RNF152: variants seen among roughly 807,000 people sequenced by gnomAD.
RNF152 encodes the protein E3 ubiquitin-protein ligase RNF152.
In RNF152, 11 loss-of-function variants were observed where a neutral mutation model predicts 12.7. That is an observed-to-expected ratio of 0.86 (90% CI 0.54 to 1.43). The LOEUF (loss-of-function observed/expected upper bound fraction) is 1.43. Ranked by LOEUF, RNF152 falls within the 40% of genes most tolerant of loss-of-function variation. RNF152 has a pLI of 0.00. For missense variants in RNF152, 255 were observed against 274.8 expected (o/e 0.93, Z 0.51); for synonymous variants, 113 against 120.3 (o/e 0.94, Z 0.40).
chr18:61,859,512 A>C (rs570896660), intron 1 of RNF152, among the ~76,000 whole-genome samples: 1 of 152,310 alleles, frequency 6.6e-6, no homozygotes, highest in Middle Eastern at 3.4e-3. Flanking sequence ...AGCTGCAGAG[A>C]AAAGGAGCAT....
rs34170984 is a variant in RNF152 at position 61,887,701 on chromosome 18, C to CAA, written c.-136+5092_-136+5093dup. Among the ~76,000 whole-genome samples the CAA allele has an allele frequency of 3.0e-4, 32 of 105,918 alleles. No homozygotes were observed. The East Asian group carries it at 5.3e-3, about 17-fold the overall frequency. The allele number at this position is 105,918 out of a possible 152,430, so 69.5% of individuals were successfully genotyped here. A position where few individuals can be genotyped will look rare whatever the true frequency, so the allele number is the denominator to read the frequency against. ...TGGGTGACAGAGTGAGACTCCATCTCAAAAAAAAAAAAAAAAAAAAGAATG... is the reference window on the plus strand; with the variant it reads ...TGGGTGACAGAGTGAGACTCCATCTCAAAAAAAAAAAAAAAAAAAAAAGAATG... On this transcript the variant is annotated intron_variant, in intron 1 of 1. Transcript: ENST00000312828.
intron 1 of RNF152, among the ~76,000 whole-genome samples, chr18:61,859,041 G>A (rs1396343535): frequency 6.6e-6 from 1 of 152,072 alleles, no homozygotes; most frequent in Non-Finnish European, 1.5e-5. Context: ...TAACCCACAT[G>A]GGCCCATCTG....
At chr18:61,842,824 A>C (rs1227715759) in intron 1 of RNF152, among the ~76,000 whole-genome samples, 1 of 152,210 alleles carries the variant, frequency 6.6e-6, no homozygotes, top group Non-Finnish European at 1.5e-5. Context: ...TAAAACCATC[A>C]GATCTCAGGA....
intron 1 of RNF152, among the ~76,000 whole-genome samples, chr18:61,892,053 T>C (rs1361877193): frequency 6.6e-6 from 1 of 152,228 alleles, no homozygotes; most frequent in African/African-American, 2.4e-5. Flanking sequence ...CTTATCAAGA[T>C]AACCCCAGAT....
Position 61,819,714 on chromosome 18 carries a change from G to A in RNF152, c.-135-3116C>T, listed in dbSNP as rs1489982736. 2.0e-5 allele frequency among the ~76,000 whole-genome samples: 3 copies of A among 152,070 alleles called. No homozygotes were observed. In the East Asian group the frequency reaches 5.8e-4, roughly 29 times the overall value. On this transcript the variant is annotated intron_variant, in intron 1 of 1. Transcript: ENST00000312828. ...TGGGGAAGGTATTTAAGTTATTTAG[G>A]AAGATATTAAAGAGTCAAAGAGAAG...
chr18:61,824,486 T>C (rs1476040735), intron 1 of RNF152, among the ~76,000 whole-genome samples: 4 of 152,254 alleles, frequency 2.6e-5, no homozygotes, highest in African/African-American at 9.6e-5. Context: ...AGAATGCGCA[T>C]TTATGTGAGA....
At chr18:61,827,231 G>A (rs1342775745) in intron 1 of RNF152, among the ~76,000 whole-genome samples, 1 of 152,186 alleles carries the variant, frequency 6.6e-6, no homozygotes, top group Non-Finnish European at 1.5e-5. Context: ...GATTTGGCCA[G>A]GTTAATCTCA....
At chr18:61,836,082 G>C (rs1249646866) in intron 1 of RNF152, among the ~76,000 whole-genome samples, 1 of 152,176 alleles carries the variant, frequency 6.6e-6, no homozygotes, top group African/African-American at 2.4e-5. Flanking sequence ...TGACAGTCTA[G>C]TAACAATGAG....
At chr18:61,861,475 T>A (rs1911480097) in intron 1 of RNF152, among the ~76,000 whole-genome samples, 1 of 152,198 alleles carries the variant, frequency 6.6e-6, no homozygotes, top group African/African-American at 2.4e-5. Context: ...TGTGTAAGTG[T>A]ACTCACTCCA....
In RNF152 at chr18:61,815,677, T is replaced by C. The variant is rs1909029979; in HGVS notation, c.*175A>G. The C allele has an allele frequency of 3.1e-6, 2 of 636,114 alleles. No individual in the cohort carries two copies. The highest frequency in any genetic ancestry group is 5.4e-6 in the Non-Finnish European group (2 of 369,020). 39.4% of individuals were successfully genotyped at this position (636,114 alleles called of 1,614,324 possible). A position where few individuals can be genotyped will look rare whatever the true frequency, so the allele number is the denominator to read the frequency against. On this transcript the variant is annotated 3_prime_UTR_variant, in exon 2 of 2. Coordinates refer to ENST00000312828, the MANE Select transcript of RNF152 (RefSeq NM_173557.3). ...TCAGAACAATTCACCTGGTATCTTG[T>C]TGAGACCGCACCTTCTGCCCTTTGT...
chr18:61,880,907 A>C lies in RNF152; in HGVS notation c.-136+11888T>G, dbSNP rs541561996. Among the ~76,000 whole-genome samples, 6 of 139,872 alleles carry C rather than the reference A, an allele frequency of 4.3e-5. No homozygotes were observed. The East Asian group carries it at 1.3e-3, about 30-fold the overall frequency. 91.8% of individuals were successfully genotyped at this position (139,872 alleles called of 152,430 possible). ...CTCAAACTGTTGTCTTTCTCTCTCT[A>C]GTTTTCTTTTTTTTTTTTTTTTTGA... On this transcript the variant is annotated intron_variant, in intron 1 of 1. Transcript: ENST00000312828.
chr18:61,861,337 A>T (rs1299931794), intron 1 of RNF152, among the ~76,000 whole-genome samples: 1 of 152,230 alleles, frequency 6.6e-6, no homozygotes, highest in Non-Finnish European at 1.5e-5. Flanking sequence ...TGCATAAACA[A>T]ATACTTATTG....
intron 1 of RNF152, among the ~76,000 whole-genome samples, chr18:61,817,180 T>A (rs1197297957): frequency 6.6e-6 from 1 of 152,202 alleles, no homozygotes; most frequent in Non-Finnish European, 1.5e-5. Context: ...CACGAAGGCA[T>A]CTTTCATCTT....
At chr18:61,857,974 A>G (rs1289919068) in intron 1 of RNF152, among the ~76,000 whole-genome samples, 6 of 152,232 alleles carry the variant, frequency 3.9e-5, no homozygotes, top group Admixed American at 1.3e-4. Flanking sequence ...GGATGGGTTT[A>G]GCTTTACGTT....
chr18:61,891,644 T>G (rs996739070), intron 1 of RNF152, among the ~76,000 whole-genome samples: 15 of 152,244 alleles, frequency 9.9e-5, no homozygotes, highest in Non-Finnish European at 8.8e-5. Context: ...ACTAGATAAC[T>G]CAACTGCTTT....
chr18:61,824,235 T>C (rs747303037), intron 1 of RNF152, among the ~76,000 whole-genome samples: 4 of 152,234 alleles, frequency 2.6e-5, no homozygotes, highest in East Asian at 3.8e-4. Context: ...TGTCGTTACA[T>C]AGATAGGTTA....
intron 1 of RNF152, among the ~76,000 whole-genome samples, chr18:61,844,193 G>GGGAGGAAGAGAGGAA (rs1555702462): frequency 3.1e-5 from 2 of 64,202 alleles, no homozygotes; most frequent in Non-Finnish European, 9.4e-5. Context: ...AAGGAAGGAA[G>GGGAGGAAGAGAGGAA]GGAAGGAGGG....
chr18:61,875,581 T>TA (rs151040901), intron 1 of RNF152, among the ~76,000 whole-genome samples: 4,857 of 152,280 alleles, frequency 0.032, 266 homozygotes, highest in African/African-American at 0.11. Flanking sequence ...CCCACGAAGG[T>TA]CAGCTCTGAC....
intron 1 of RNF152, among the ~76,000 whole-genome samples, chr18:61,843,800 T>C (rs1910559408): frequency 6.6e-6 from 1 of 151,972 alleles, no homozygotes; most frequent in Admixed American, 6.6e-5. Flanking sequence ...TGCCAGGGAA[T>C]GGGGAAAGAG....
Sources: gnomAD v4.1 joint callset for allele counts (sites outside exome capture counted in the v4.1 genomes callset) on GRCh38, gnomAD v4.1.1 for gene constraint, MANE v1.5 for transcripts, NCBI Gene and HGNC (gene_info 2026-07-23, HGNC 2026-07-21) for gene names.